MED21: variants seen among roughly 807,000 people sequenced by gnomAD.
MED21 encodes the protein mediator of RNA polymerase II transcription subunit 21.
MED21 carries 9 observed loss-of-function variants against 18.2 expected under a neutral mutation model. The ratio of observed to expected loss-of-function variants is 0.49; its 90% CI spans 0.30 to 0.86. MED21 has a LOEUF of 0.86. Among genes scored for constraint, MED21 ranks in the 40% least tolerant of loss-of-function variants. The pLI, the probability that MED21 is intolerant of heterozygous loss-of-function variation, is 0.07. For synonymous variants in MED21, 73 were observed against 60.5 expected, an observed-to-expected ratio of 1.21 and a Z score of -0.96; for missense variants, 150 against 170.9, an observed-to-expected ratio of 0.88 and a Z score of 0.68.
chr12:27,035,449 T>A (rs114990266), downstream of MED21, among the ~76,000 whole-genome samples: 2,991 of 151,918 alleles, frequency 0.02, 99 homozygotes, highest in African/African-American at 0.068. Flanking sequence ...CTTTTTTTTT[T>A]AATTATACTT....
intron 2 of MED21, among the ~76,000 whole-genome samples, chr12:27,036,392 T>C (rs1000595181): frequency 2.0e-5 from 3 of 152,340 alleles, no homozygotes; most frequent in East Asian, 1.9e-4. Flanking sequence ...GTAGGTTGCC[T>C]GTTCACCCTG....
downstream of MED21, among the ~76,000 whole-genome samples, chr12:27,033,484 G>C (rs1023176817): frequency 6.6e-6 from 1 of 152,110 alleles, no homozygotes; most frequent in Admixed American, 6.5e-5. Flanking sequence ...AGCATTCAGA[G>C]CATAGCACTA....
downstream of MED21, among the ~76,000 whole-genome samples, chr12:27,031,540 A>G (rs557894257): frequency 1.3e-5 from 2 of 152,332 alleles, no homozygotes; most frequent in African/African-American, 4.8e-5. Flanking sequence ...CTTTTACCAT[A>G]GACTGTCAAT....
Position 27,028,853 on chromosome 12 carries a change from G to C in MED21, c.*392G>C, listed in dbSNP as rs1352890559. The C allele has an allele frequency of 4.0e-6, 4 of 988,866 alleles. No individual in the cohort carries two copies. Among genetic ancestry groups the C allele is most frequent in the South Asian group, 9.3e-5 (2 of 21,506 alleles). 61.3% of individuals were successfully genotyped at this position (988,866 alleles called of 1,614,324 possible). ...GAAGACAGTAAGAACAGACATAAGG[G>C]ACATTTTAGTTTGGGCTAGTGTCCT... is the stretch of plus-strand genomic sequence containing the variant. On this transcript the variant is annotated 3_prime_UTR_variant, in exon 4 of 4. Coordinates refer to ENST00000282892, the MANE Select transcript of MED21 (RefSeq NM_004264.5).
intron 1 of MED21, among the ~76,000 whole-genome samples, chr12:27,023,879 C>T (rs934074256): frequency 6.6e-6 from 1 of 152,014 alleles, no homozygotes; most frequent in Non-Finnish European, 1.5e-5. Flanking sequence ...GTAACAAAGT[C>T]ATTTAGTATC....
chr12:27,026,354 A>G (rs1941544392), intron 1 of MED21, 66 bp from the exon 2 acceptor site: 1 of 919,970 alleles, frequency 1.1e-6, no homozygotes, highest in Non-Finnish European at 1.7e-6. Context: ...TGTTGTTGCC[A>G]TTACCAATAA....
chr12:27,030,913 C>A (rs1941612370), downstream of MED21, among the ~76,000 whole-genome samples: 1 of 152,082 alleles, frequency 6.6e-6, no homozygotes, highest in South Asian at 2.1e-4. Context: ...ATTTAAGGAG[C>A]CAATTTCTTT....
Position 27,029,447 on chromosome 12 carries a change from T to C in MED21, c.*986T>C, listed in dbSNP as rs879034740. The C allele has an allele frequency of 3.0e-6, 3 of 985,426 alleles. No individual in the cohort carries two copies. The African/African-American group carries it at 5.2e-5, about 17-fold the overall frequency. The allele number at this position is 985,426 out of a possible 1,614,324, so 61.0% of individuals were successfully genotyped here. A position where few individuals can be genotyped will look rare whatever the true frequency, so the allele number is the denominator to read the frequency against. ...CTGGAAAGGTGGAATTGAAATGTGG[T>C]CCACATTTTAACTAGCTATTTCCTG... is the stretch of plus-strand genomic sequence containing the variant. On this transcript the variant is annotated 3_prime_UTR_variant, in exon 4 of 4. Transcript: ENST00000282892.
At chr12:27,025,727 C>T (rs1338302918) in intron 1 of MED21, among the ~76,000 whole-genome samples, 2 of 152,104 alleles carry the variant, frequency 1.3e-5, no homozygotes, top group Non-Finnish European at 2.9e-5. Flanking sequence ...AGTGGAAATA[C>T]TTATTAGAAA....
Position 27,028,617 on chromosome 12 carries a change from C to T in MED21, c.*156C>T, listed in dbSNP as rs192721277. The T allele has an allele frequency of 7.7e-6, 10 of 1,306,468 alleles. No homozygotes were observed. In the Admixed American group the frequency reaches 3.0e-4, roughly 40 times the overall value. 80.9% of individuals were successfully genotyped at this position (1,306,468 alleles called of 1,614,324 possible). ...TATTTTTAATAGTCTTCTATTTTCA[C>T]TCTTGATAAGCTTATAAAATCATGA... On this transcript the variant is annotated 3_prime_UTR_variant, in exon 4 of 4. Transcript: ENST00000282892.
chr12:27,035,693 G>GT (rs1379891857), downstream of MED21, among the ~76,000 whole-genome samples: 66 of 149,438 alleles, frequency 4.4e-4, 1 homozygote, highest in African/African-American at 1.4e-3. Context: ...GCGGTGTTTG[G>GT]TTTTTTGTCC....
chr12:27,022,671 A>T (rs1941486588), intron 1 of MED21, 50 bp downstream of exon 1: 1 of 1,612,026 alleles, frequency 6.2e-7, no homozygotes, highest in African/African-American at 1.3e-5. Flanking sequence ...CTTGAGGTAA[A>T]GCAAGGGAGG....
chr12:27,034,427 A>G (rs1260712977), downstream of MED21, among the ~76,000 whole-genome samples: 1 of 152,190 alleles, frequency 6.6e-6, no homozygotes, highest in Non-Finnish European at 1.5e-5. Context: ...CGTCTCAAAA[A>G]AAAAGTTTAA....
chr12:27,036,371 T>G (rs1330345982), intron 2 of MED21, among the ~76,000 whole-genome samples: 2 of 152,222 alleles, frequency 1.3e-5, no homozygotes, highest in Non-Finnish European at 2.9e-5. Context: ...GCGAAAATTT[T>G]CTCCCATTCT....
rs117875155 is a variant in MED21 at position 27,028,646 on chromosome 12, A to T, written c.*185A>T. ...TGATAAGCTTATAAAATCATGATTG[A>T]ATCAGCTTTAAAGCATCATACCATC... On this transcript the variant is annotated 3_prime_UTR_variant, in exon 4 of 4. Coordinates refer to ENST00000282892, the MANE Select transcript of MED21 (RefSeq NM_004264.5). 2.9e-3 allele frequency: 3,681 copies of T among 1,276,932 alleles called. 11 individuals are homozygous for T. The highest frequency in any genetic ancestry group is 3.1e-3 in the Non-Finnish European group (3,136 of 1,008,426). The allele number at this position is 1,276,932 out of a possible 1,614,324, so 79.1% of individuals were successfully genotyped here.
downstream of MED21, among the ~76,000 whole-genome samples, chr12:27,034,993 C>T (rs576107657): frequency 9.2e-5 from 14 of 152,244 alleles, no homozygotes; most frequent in Non-Finnish European, 1.3e-4. Flanking sequence ...TTAGGTGCTC[C>T]GCCTGCCCCT....
intron 1 of MED21, among the ~76,000 whole-genome samples, chr12:27,025,633 G>T (rs1454280928): frequency 6.6e-6 from 1 of 152,144 alleles, no homozygotes; most frequent in Non-Finnish European, 1.5e-5. Flanking sequence ...TGGTTGACTA[G>T]GAGACTTTCA....
At chr12:27,027,932 G>T (rs947479656) in intron 3 of MED21, among the ~76,000 whole-genome samples, 18 of 152,112 alleles carry the variant, frequency 1.2e-4, no homozygotes, top group African/African-American at 4.1e-4. Flanking sequence ...AGCACCTTTT[G>T]TTATAATATT....
intron 2 of MED21, among the ~76,000 whole-genome samples, chr12:27,026,983 C>T (rs550733192): frequency 2.6e-4 from 40 of 152,108 alleles, no homozygotes; most frequent in African/African-American, 9.2e-4. Context: ...GGCTGGAGTG[C>T]AGTGATGCAA....
Sources: allele counts gnomAD v4.1 joint callset (sites outside exome capture counted in the v4.1 genomes callset), GRCh38; gene constraint gnomAD v4.1.1; transcripts MANE v1.5; gene names NCBI Gene and HGNC (gene_info 2026-07-23, HGNC 2026-07-21).